RECK: variants seen among roughly 807,000 people sequenced by gnomAD.
RECK encodes the protein reversion inducing cysteine rich protein with kazal motifs.
RECK carries 69 observed loss-of-function variants against 115.1 expected under a neutral mutation model. That is an observed-to-expected ratio of 0.60 (90% CI 0.49 to 0.73). The LOEUF is 0.73. Among genes scored for constraint, RECK ranks in the 30% least tolerant of loss-of-function variants. RECK has a pLI of 0.00. For missense variants in RECK, 1,047 were observed against 1,203.7 expected, an observed-to-expected ratio of 0.87 and a Z score of 1.93; for synonymous variants, 414 against 419.7, an observed-to-expected ratio of 0.99 and a Z score of 0.17.
intron 1 of RECK, among the ~76,000 whole-genome samples, chr9:36,040,462 A>G (rs1390720678): frequency 3.3e-5 from 5 of 152,202 alleles, no homozygotes; most frequent in African/African-American, 4.8e-5. Context: ...GTTGGAATGT[A>G]GTGACCAACA....
chr9:36,122,922 T>A lies in RECK; in HGVS notation c.2793T>A (p.Ile931=), dbSNP rs1824515702. 1 of 1,614,188 alleles carries A rather than the reference T, an allele frequency of 6.2e-7. No individual in the cohort carries two copies. Among genetic ancestry groups the A allele is most frequent in the Non-Finnish European group, 8.5e-7 (1 of 1,180,032 alleles). ...ASHVPLSALI[I]SQVQVSSSVP... ...ATGTCCCTCTCTCTGCCCTCATCAT[T>A]TCCCAGGTACAGGTCTCCAGCAGTG... The change falls in exon 21 of 21, where the codon ATT becomes ATA. Residue 931 remains isoleucine, a synonymous_variant. Transcript: ENST00000377966.
intron 10 of RECK, among the ~76,000 whole-genome samples, chr9:36,099,484 T>C (rs781685574): frequency 6.6e-6 from 1 of 152,200 alleles, no homozygotes; most frequent in Non-Finnish European, 1.5e-5. Context: ...TTATTATAAT[T>C]TTAAATAACT....
At chr9:36,116,548 A>G (rs1276432138) in intron 16 of RECK, among the ~76,000 whole-genome samples, 1 of 152,214 alleles carries the variant, frequency 6.6e-6, no homozygotes, top group Non-Finnish European at 1.5e-5. Context: ...TCTTGGCCTC[A>G]TATCATGGCC....
chr9:36,071,248 A>G (rs1171057453), intron 6 of RECK, among the ~76,000 whole-genome samples: 1 of 152,182 alleles, frequency 6.6e-6, no homozygotes, highest in African/African-American at 2.4e-5. Context: ...CACCAAAATT[A>G]TGATTTAAAA....
chr9:36,037,059 G>T lies in RECK; in HGVS notation c.61G>T (p.Val21Phe), dbSNP rs1014461372. ...ALLLLLAVAG[V>F]AEVAGGLAPG... ...GCTCCTTCTGCTGGCCGTGGCGGGG[G>T]TCGCGGAGGTGGCAGGGGGCCTGGC... is the stretch of plus-strand genomic sequence containing the variant. Residue 21 changes from valine (V) to phenylalanine (F), a missense_variant, in exon 1 of 21, where the codon GTC becomes TTC. By Grantham distance (50) the Val-to-Phe change is conservative. Transcript: ENST00000377966. The T allele has an allele frequency of 1.6e-5, 22 of 1,395,778 alleles. No individual in the cohort carries two copies. The highest frequency in any genetic ancestry group is 3.0e-5 in the African/African-American group (2 of 66,082). 86.5% of individuals were successfully genotyped at this position (1,395,778 alleles called of 1,614,324 possible).
At chr9:36,066,792 G>C (rs1298341596) in intron 6 of RECK, 24 of 1,288,114 alleles carry the variant, frequency 1.9e-5, no homozygotes, top group Non-Finnish European at 2.3e-5. Context: ...ATTTTAGTGT[G>C]CTTCCTTCTC....
At chr9:36,106,299 A>G (rs1461613697) in intron 13 of RECK, among the ~76,000 whole-genome samples, 1 of 149,996 alleles carries the variant, frequency 6.7e-6, no homozygotes, top group Non-Finnish European at 1.5e-5. Flanking sequence ...TAATGGCACT[A>G]TCTTGGCTCA....
Position 36,091,271 on chromosome 9 carries a change from G to A in RECK, c.1013G>A (p.Cys338Tyr). 6.2e-7 allele frequency: 1 copy of A among 1,611,062 alleles called. No individual in the cohort carries two copies. The highest frequency in any genetic ancestry group is 8.5e-7 in the Non-Finnish European group (1 of 1,179,040). The change falls in exon 10 of 21, where the codon TGT becomes TAT. Residue 338 changes from cysteine (C) to tyrosine (Y), a missense_variant. Cys to Tyr is a radical substitution (Grantham distance 194). Coordinates refer to ENST00000377966, the MANE Select transcript of RECK (RefSeq NM_021111.3). ...CCAGTGGAAGTGTCCATGTTGACCTGTTTAGCGGATGTCCGGGAACCTTGC... is the reference window on the plus strand; with the variant it reads ...CCAGTGGAAGTGTCCATGTTGACCTATTTAGCGGATGTCCGGGAACCTTGC... Reference protein sequence around the residue: ...YNPVEVSMLTCLADVREPCQL... With the variant: ...YNPVEVSMLTYLADVREPCQL...
chr9:36,108,216 T>A, intron 14 of RECK, 52 bp downstream of exon 14: 1 of 1,346,464 alleles, frequency 7.4e-7, no homozygotes, highest in Non-Finnish European at 1.0e-6. Flanking sequence ...TTATTTTTAC[T>A]TTGTAGGAAG....
chr9:36,052,115 A>C (rs1464348689), intron 1 of RECK, 150 bp from the exon 2 acceptor site: 1 of 568,666 alleles, frequency 1.8e-6, no homozygotes, highest in East Asian at 3.1e-5. Flanking sequence ...CTTGACTTGT[A>C]ATAGGTGCTC....
At chr9:36,044,744 C>G (rs1244209720) in intron 1 of RECK, among the ~76,000 whole-genome samples, 2 of 152,078 alleles carry the variant, frequency 1.3e-5, no homozygotes, top group African/African-American at 4.8e-5. Context: ...GATAGTTAAG[C>G]CTTGCAATAT....
chr9:36,067,731 T>C (rs1313511756), intron 6 of RECK, among the ~76,000 whole-genome samples: 2 of 152,198 alleles, frequency 1.3e-5, no homozygotes, highest in African/African-American at 4.8e-5. Context: ...AAGCAACTTT[T>C]AGCATAACTC....
intron 4 of RECK, among the ~76,000 whole-genome samples, 155 bp from the exon 5 acceptor site, chr9:36,063,640 A>C (rs1416513835): frequency 6.6e-6 from 1 of 152,240 alleles, no homozygotes; most frequent in Non-Finnish European, 1.5e-5. Context: ...AGTAAGGGTA[A>C]AGGGAGGTCC....
chr9:36,101,026 G>T (rs1823548306), intron 11 of RECK, among the ~76,000 whole-genome samples: 1 of 151,600 alleles, frequency 6.6e-6, no homozygotes, highest in Non-Finnish European at 1.5e-5. Flanking sequence ...GAGTGCAGTG[G>T]CATGACCTCA....
chr9:36,106,400 A>T (rs752252826), intron 13 of RECK, among the ~76,000 whole-genome samples: 16 of 151,326 alleles, frequency 1.1e-4, no homozygotes, highest in Non-Finnish European at 2.2e-4. Flanking sequence ...ATGCCCAGCT[A>T]ATTTTTGCAT....
At chr9:36,084,047 G>T (rs1822840151) in intron 8 of RECK, among the ~76,000 whole-genome samples, 5 of 151,950 alleles carry the variant, frequency 3.3e-5, no homozygotes, top group Admixed American at 3.3e-4. Flanking sequence ...GTAAATTACG[G>T]CATACCTATA....
chr9:36,046,364 A>AT (rs1318389436), intron 1 of RECK, among the ~76,000 whole-genome samples: 3 of 152,224 alleles, frequency 2.0e-5, no homozygotes, highest in Non-Finnish European at 4.4e-5. Context: ...TTCTTCTCCC[A>AT]TTGATAACGA....
At chr9:36,119,322 A>G (rs1460327028) in intron 18 of RECK, among the ~76,000 whole-genome samples, 1 of 152,244 alleles carries the variant, frequency 6.6e-6, no homozygotes, top group Non-Finnish European at 1.5e-5. Flanking sequence ...TTACTAATTA[A>G]TGAATAATTA....
intron 16 of RECK, among the ~76,000 whole-genome samples, chr9:36,114,793 C>T (rs1322065569): frequency 5.3e-5 from 8 of 151,698 alleles, no homozygotes; most frequent in African/African-American, 1.9e-4. Flanking sequence ...TGCAGTAAGC[C>T]GAGATGGTGC....
Sources: gnomAD v4.1 joint callset for allele counts (sites outside exome capture counted in the v4.1 genomes callset) on GRCh38, gnomAD v4.1.1 for gene constraint, MANE v1.5 for transcripts, NCBI Gene and HGNC (gene_info 2026-07-23, HGNC 2026-07-21) for gene names.